DLG2: variants seen among roughly 807,000 people sequenced by gnomAD.
The protein encoded by DLG2 is discs large MAGUK scaffold protein 2, also known as disks large homolog 2.
DLG2 carries 45 observed loss-of-function variants against 132.5 expected under a neutral mutation model. The ratio of observed to expected loss-of-function variants is 0.34; its 90% CI spans 0.27 to 0.44. The LOEUF is 0.44. DLG2 is among the 20% of genes least tolerant of loss of function. The probability of loss-of-function intolerance (pLI) is 1.00; values close to 1 mark genes in which losing one functional copy is unlikely to be tolerated. For synonymous variants in DLG2, 424 were observed against 419.6 expected (o/e 1.01, Z -0.13); for missense variants, 1,045 against 1,196.9 (o/e 0.87, Z 1.87).
chr11:85,467,976 C>T (rs1197117368), intron 3 of DLG2, among the ~76,000 whole-genome samples: 1 of 152,174 alleles, frequency 6.6e-6, no homozygotes, highest in Non-Finnish European at 1.5e-5. Context: ...TAATTATTGC[C>T]TCAATTTCAC....
chr11:83,785,256 G>A (rs1367031866), intron 18 of DLG2, among the ~76,000 whole-genome samples: 3 of 151,894 alleles, frequency 2.0e-5, no homozygotes, highest in Non-Finnish European at 4.4e-5. Context: ...GGGTTTCACC[G>A]TGTTAGCCAG....
intron 2 of DLG2, among the ~76,000 whole-genome samples, chr11:85,623,536 C>T (rs1474168852): frequency 2.0e-5 from 3 of 152,184 alleles, no homozygotes; most frequent in Non-Finnish European, 4.4e-5. Flanking sequence ...AACTCCTGAC[C>T]TCATGATCCG....
chr11:83,548,701 G>C (rs2096300663), intron 19 of DLG2, among the ~76,000 whole-genome samples: 1 of 152,124 alleles, frequency 6.6e-6, no homozygotes, highest in Non-Finnish European at 1.5e-5. Context: ...TGTAGATAAA[G>C]AAGTTAAGAA....
intron 15 of DLG2, among the ~76,000 whole-genome samples, chr11:83,924,902 T>C (rs770140558): frequency 5.3e-5 from 8 of 152,114 alleles, no homozygotes; most frequent in African/African-American, 7.2e-5. Flanking sequence ...GCATTTTTCA[T>C]AGATAATGCT....
chr11:85,324,868 A>G (rs1361234789), intron 3 of DLG2, among the ~76,000 whole-genome samples: 4 of 150,560 alleles, frequency 2.7e-5, no homozygotes, highest in African/African-American at 9.8e-5. Flanking sequence ...TACCGGGTTC[A>G]TCTCACTAGG....
intron 8 of DLG2, among the ~76,000 whole-genome samples, chr11:84,182,022 A>G (rs984292532): frequency 2.0e-5 from 3 of 152,176 alleles, no homozygotes; most frequent in African/African-American, 7.2e-5. Context: ...ACCATCACAC[A>G]ACTGATATCA....
chr11:83,552,843 AT>A (rs1405963254), intron 19 of DLG2, among the ~76,000 whole-genome samples: 1 of 152,252 alleles, frequency 6.6e-6, no homozygotes, highest in Non-Finnish European at 1.5e-5. Flanking sequence ...ATTGATCAAT[AT>A]AAAAAATTCT....
chr11:84,821,252 C>T (rs1446620197), intron 6 of DLG2, among the ~76,000 whole-genome samples: 2 of 151,810 alleles, frequency 1.3e-5, no homozygotes, highest in Non-Finnish European at 2.9e-5. Flanking sequence ...TTACTACAAT[C>T]TTATGATTCA....
At chr11:85,394,710 T>C (rs1210440472) in intron 3 of DLG2, among the ~76,000 whole-genome samples, 1 of 152,174 alleles carries the variant, frequency 6.6e-6, no homozygotes. Context: ...ATTTCCCTAT[T>C]CTCACAATCT....
chr11:83,503,617 G>A (rs1053625849), intron 21 of DLG2, among the ~76,000 whole-genome samples: 1 of 151,752 alleles, frequency 6.6e-6, no homozygotes, highest in African/African-American at 2.4e-5. Flanking sequence ...GGAGAAGGAT[G>A]TGGGCTGGGA....
intron 3 of DLG2, among the ~76,000 whole-genome samples, chr11:85,587,617 A>C (rs1203166173): frequency 6.6e-6 from 1 of 152,140 alleles, no homozygotes; most frequent in African/African-American, 2.4e-5. Flanking sequence ...TGAAGAGAGC[A>C]GATACTTGGT....
intron 6 of DLG2, among the ~76,000 whole-genome samples, chr11:84,726,904 T>C (rs2062541488): frequency 6.6e-6 from 1 of 152,220 alleles, no homozygotes; most frequent in Non-Finnish European, 1.5e-5. Context: ...ATGTCTTCTT[T>C]TGAGAAGTGT....
chr11:84,542,975 A>T (rs1444748353), intron 6 of DLG2, among the ~76,000 whole-genome samples: 1 of 152,068 alleles, frequency 6.6e-6, no homozygotes, highest in African/African-American at 2.4e-5. Flanking sequence ...TTTTTCCATG[A>T]TGCCTCAGCC....
rs79465607 is a variant in DLG2, at chr11:84,660,404, A to G, written c.358-125673T>C. On this transcript the variant is annotated intron_variant, in intron 6 of 27. Coordinates refer to ENST00000376104, the MANE Select transcript of DLG2 (RefSeq NM_001142699.3). Reference sequence around the variant, plus strand: ...CCCTGACACTTCATTTGCTCTGGCAAAACATGTGCTGTACTATGGTTTGTG... The same window carrying G: ...CCCTGACACTTCATTTGCTCTGGCAGAACATGTGCTGTACTATGGTTTGTG... Among the ~76,000 whole-genome samples, 203 of 152,222 alleles carry G rather than the reference A, an allele frequency of 1.3e-3. 1 individual carries two copies. Among genetic ancestry groups the G allele is most frequent in the African/African-American group, 4.4e-3 (181 of 41,564 alleles).
chr11:84,784,355 A>AATAC (rs1169933928), intron 6 of DLG2, among the ~76,000 whole-genome samples: 1 of 147,398 alleles, frequency 6.8e-6, no homozygotes, highest in Non-Finnish European at 1.5e-5. Flanking sequence ...TAAATAAATA[A>AATAC]ATAAATAAAT....
At chr11:85,487,430 A>T (rs1404603266) in intron 3 of DLG2, among the ~76,000 whole-genome samples, 1 of 151,596 alleles carries the variant, frequency 6.6e-6, no homozygotes, top group Non-Finnish European at 1.5e-5. Context: ...TAAAAAAAAA[A>T]AAAAACCTCA....
At chr11:83,746,498 G>C (rs1417955316) in intron 18 of DLG2, among the ~76,000 whole-genome samples, 1 of 151,790 alleles carries the variant, frequency 6.6e-6, no homozygotes, top group East Asian at 1.9e-4. Flanking sequence ...AACACCGCAC[G>C]TTCTCACTTA....
intron 7 of DLG2, among the ~76,000 whole-genome samples, chr11:84,387,474 A>G (rs2098775500): frequency 6.6e-6 from 1 of 152,122 alleles, no homozygotes. Context: ...ATAAATAGCC[A>G]ACTATGGTCA....
At chr11:85,106,872 A>G (rs1027161216) in intron 6 of DLG2, among the ~76,000 whole-genome samples, 1 of 152,004 alleles carries the variant, frequency 6.6e-6, no homozygotes, top group Non-Finnish European at 1.5e-5. Context: ...TGTCTTCCAA[A>G]ATCCAACTTA....
Sources: gnomAD v4.1 joint callset for allele counts (sites outside exome capture counted in the v4.1 genomes callset) on GRCh38, gnomAD v4.1.1 for gene constraint, MANE v1.5 for transcripts, NCBI Gene and HGNC (gene_info 2026-07-23, HGNC 2026-07-21) for gene names.